Variants in TLR6 observed in about 807,000 individuals in gnomAD.
TLR6 encodes the protein toll like receptor 6.
In TLR6, 9 loss-of-function variants were observed where a neutral mutation model predicts 16.1. That is an observed-to-expected ratio of 0.56 (90% CI 0.34 to 0.98). TLR6 has a LOEUF of 0.98. Among genes scored for constraint, TLR6 ranks in the 50% least tolerant of loss-of-function variants. The pLI is 0.02. For missense variants in TLR6, 786 were observed against 921.0 expected (o/e 0.85, Z 1.90); for synonymous variants, 340 against 338.6 (o/e 1.00, Z -0.04).
chr4:38,823,421 T>C (rs1414104139), downstream of TLR6, among the ~76,000 whole-genome samples: 1 of 152,128 alleles, frequency 6.6e-6, no homozygotes, highest in Non-Finnish European at 1.5e-5. Flanking sequence ...CTAACACACA[T>C]CTCAGAACTT....
intron 1 of TLR6, among the ~76,000 whole-genome samples, chr4:38,854,318 C>T (rs1334570191): frequency 6.6e-6 from 1 of 152,048 alleles, no homozygotes; most frequent in Non-Finnish European, 1.5e-5. Context: ...GATGGACCAG[C>T]CATTAGATGC....
the TLR6 span, among the ~76,000 whole-genome samples, chr4:38,866,490 C>A: frequency 6.6e-6 from 1 of 151,254 alleles, no homozygotes; most frequent in African/African-American, 2.4e-5. Context: ...AAGACTCCAT[C>A]TCAAAAAAAT....
chr4:38,852,923 C>T (rs976032416), intron 1 of TLR6, among the ~76,000 whole-genome samples: 3 of 152,134 alleles, frequency 2.0e-5, no homozygotes, highest in African/African-American at 7.2e-5. Flanking sequence ...TATAAAGATA[C>T]ATGCACACAC....
the TLR6 span, chr4:38,868,015 TG>T: frequency 4.8e-6 from 2 of 420,336 alleles, no homozygotes; most frequent in Admixed American, 2.4e-5. Context: ...GGTGAGGGTC[TG>T]GGGCGGCGCG....
intron 1 of TLR6, among the ~76,000 whole-genome samples, chr4:38,839,153 G>C (rs1189400042): frequency 6.9e-6 from 1 of 144,268 alleles, no homozygotes; most frequent in Admixed American, 7.0e-5. Context: ...GGGGAGGGAA[G>C]GGGGGGAAGA....
At chr4:38,851,849 T>C (rs1020582938) in intron 1 of TLR6, among the ~76,000 whole-genome samples, 4 of 152,156 alleles carry the variant, frequency 2.6e-5, no homozygotes, top group African/African-American at 9.7e-5. Flanking sequence ...AAGCTACCAA[T>C]GACTTTCTTC....
intron 1 of TLR6, among the ~76,000 whole-genome samples, chr4:38,840,874 G>A (rs1712226428): frequency 6.6e-6 from 1 of 152,156 alleles, no homozygotes; most frequent in Non-Finnish European, 1.5e-5. Flanking sequence ...AAATAAATGT[G>A]AATGTATTCT....
chr4:38,862,416 G>T, the TLR6 span, among the ~76,000 whole-genome samples: 1 of 151,756 alleles, frequency 6.6e-6, no homozygotes, highest in Non-Finnish European at 1.5e-5. Flanking sequence ...GAGTAGCCTG[G>T]ATTACAGGTG....
exon 2 of TLR6, chr4:38,827,884 T>A: frequency 6.2e-7 from 1 of 1,614,250 alleles, no homozygotes; most frequent in Non-Finnish European, 8.5e-7. Context: ...TACATTGGAA[T>A]GGATTGTCCC....
chr4:38,856,394 A>AT (rs1265139885), intron 1 of TLR6, among the ~76,000 whole-genome samples: 2 of 152,262 alleles, frequency 1.3e-5, no homozygotes, highest in African/African-American at 4.8e-5. Context: ...AATAGGTGCC[A>AT]TATCAGTGGT....
At chr4:38,838,541 C>T (rs6833914) in intron 1 of TLR6, among the ~76,000 whole-genome samples, 59,284 of 151,876 alleles carry the variant, frequency 0.39, 12,684 homozygotes, top group African/African-American at 0.57. Context: ...AGCTAAAATA[C>T]GCATCTCAGG....
chr4:38,859,056 C>T (rs1432973846), upstream of TLR6, among the ~76,000 whole-genome samples: 1 of 152,162 alleles, frequency 6.6e-6, no homozygotes, highest in Admixed American at 6.5e-5. Context: ...GAGATAAGTA[C>T]TGTCACGTCA....
At chr4:38,858,844 A>AGAGAGG (rs1560274677), upstream of TLR6, among the ~76,000 whole-genome samples, 102 of 91,192 alleles carry the variant, frequency 1.1e-3, no homozygotes, top group Non-Finnish European at 1.4e-3. Context: ...AGAAAGAAAG[A>AGAGAGG]AAGAAAGAAA....
intron 1 of TLR6, among the ~76,000 whole-genome samples, chr4:38,834,064 TAA>T (rs372189493): frequency 5.8e-5 from 8 of 137,534 alleles, no homozygotes; most frequent in Admixed American, 1.5e-4. Flanking sequence ...ATATCTGTAC[TAA>T]AAAAAAAAAA....
chr4:38,846,088 C>CAAAAAAAAAAA (rs10713614), intron 1 of TLR6, among the ~76,000 whole-genome samples: 2 of 97,024 alleles, frequency 2.1e-5, no homozygotes, highest in African/African-American at 3.6e-5. Flanking sequence ...CGAGACATCT[C>CAAAAAAAAAAA]AAAAAAAAAA....
exon 2 of TLR6, chr4:38,826,945 G>A: frequency 1.4e-6 from 1 of 737,530 alleles, no homozygotes; most frequent in Non-Finnish European, 2.1e-6. Context: ...CAGTTCCCCA[G>A]ATGAAACATT....
intron 1 of TLR6, among the ~76,000 whole-genome samples, chr4:38,840,421 C>A (rs1712197230): frequency 6.6e-6 from 1 of 152,016 alleles, no homozygotes; most frequent in South Asian, 2.1e-4. Context: ...ATCACGAGGT[C>A]AGGAGTTCGA....
intron 1 of TLR6, among the ~76,000 whole-genome samples, chr4:38,851,707 A>AGTC (rs1712780953): frequency 6.6e-6 from 1 of 152,204 alleles, no homozygotes; most frequent in Non-Finnish European, 1.5e-5. Flanking sequence ...TTCAAGGAGA[A>AGTC]CTACAAACCA....
chr4:38,824,100 C>G (rs1727436999), exon 2 of TLR6: 1 of 151,754 alleles, frequency 6.6e-6, no homozygotes, highest in South Asian at 2.1e-4. Flanking sequence ...CCCCCCCTGC[C>G]TGGGCTTTTT....
Sources: allele counts gnomAD v4.1 joint callset (sites outside exome capture counted in the v4.1 genomes callset), GRCh38; gene constraint gnomAD v4.1.1; transcripts MANE v1.5; gene names NCBI Gene and HGNC (gene_info 2026-07-23, HGNC 2026-07-21).